Variants in LRRC7 observed in about 807,000 individuals in gnomAD.
LRRC7 encodes leucine-rich repeat-containing protein 7.
In LRRC7, 23 loss-of-function variants were observed where a neutral mutation model predicts 175.7. The ratio of observed to expected loss-of-function variants is 0.13; its 90% confidence interval spans 0.09 to 0.19. The LOEUF is 0.19. Ranked by LOEUF, LRRC7 falls within the 10% of genes least tolerant of loss-of-function variation. LRRC7 has a pLI of 1.00. For missense variants in LRRC7, 1,354 were observed against 1,904.7 expected (o/e 0.71, Z 5.38); for synonymous variants, 685 against 680.9 (o/e 1.01, Z -0.09).
rs1653289190 is a variant in LRRC7, at chr1:69,980,314, T to C, written c.712-65T>C. 1.6e-5 allele frequency: 20 copies of C among 1,268,654 alleles called. 2 individuals carry two copies. The South Asian group carries it at 2.3e-4, about 15-fold the overall frequency. 78.6% of individuals were successfully genotyped at this position (1,268,654 alleles called of 1,614,324 possible). A position where few individuals can be genotyped will look rare whatever the true frequency, so the allele number is the denominator to read the frequency against. On this transcript the variant is annotated intron_variant, in intron 8 of 26. Coordinates refer to ENST00000651989, the MANE Select transcript of LRRC7 (RefSeq NM_001370785.2). ...AGATCCAAGAAATTACATCTTATGTTTGTGATAAGTAAAAACTAATTTAAT... is the reference window on the plus strand; with the variant it reads ...AGATCCAAGAAATTACATCTTATGTCTGTGATAAGTAAAAACTAATTTAAT...
chr1:70,042,486 A>G (rs993543198), intron 21 of LRRC7, among the ~76,000 whole-genome samples: 2 of 152,238 alleles, frequency 1.3e-5, no homozygotes, highest in African/African-American at 4.8e-5. Context: ...ATAACAGTTC[A>G]ACATAATGTT....
At chr1:69,572,666 GGTAT>G (rs1347104336) in intron 1 of LRRC7, among the ~76,000 whole-genome samples, 1 of 151,970 alleles carries the variant, frequency 6.6e-6, no homozygotes, top group Admixed American at 6.6e-5. Context: ...GAAAAACTTA[GGTAT>G]GTCTAGAAGT....
intron 1 of LRRC7, among the ~76,000 whole-genome samples, chr1:69,578,928 T>TA (rs1487572820): frequency 1.3e-5 from 2 of 150,416 alleles, no homozygotes; most frequent in African/African-American, 4.9e-5. Context: ...CCCTAAAACT[T>TA]AAAGTATAAT....
At chr1:69,928,847 G>A (rs1241166515) in intron 7 of LRRC7, among the ~76,000 whole-genome samples, 4 of 152,214 alleles carry the variant, frequency 2.6e-5, no homozygotes, top group African/African-American at 9.6e-5. Context: ...ACTCCCTAGT[G>A]GGATGACCTT....
intron 25 of LRRC7, among the ~76,000 whole-genome samples, chr1:70,092,889 C>T (rs762999988): frequency 5.3e-5 from 8 of 152,118 alleles, no homozygotes; most frequent in Non-Finnish European, 1.2e-4. Context: ...ATCTAGCAAA[C>T]TTAACTCCCC....
rs1666636421 is a variant in LRRC7, at chr1:70,130,871, T to G, written c.*8984T>G. Among the ~76,000 whole-genome samples, 1 of 152,194 alleles carries G rather than the reference T, an allele frequency of 6.6e-6. No individual in the cohort carries two copies. The highest frequency in any genetic ancestry group is 6.5e-5 in the Admixed American group (1 of 15,286). On this transcript the variant is annotated 3_prime_UTR_variant, in exon 27 of 27. Transcript: ENST00000651989. The stretch of plus-strand genomic sequence containing the variant: ...GGGTCTCCACCTACCTATTTAGCTC[T>G]AAATTTTAATCAAACTGCTGCCAAA...
At chr1:69,597,554 C>A (rs535422302) in intron 1 of LRRC7, among the ~76,000 whole-genome samples, 1 of 152,070 alleles carries the variant, frequency 6.6e-6, no homozygotes, top group Non-Finnish European at 1.5e-5. Flanking sequence ...ATAATTTGAG[C>A]AATACATCTT....
chr1:70,111,830 T>C (rs1665547574), intron 26 of LRRC7, among the ~76,000 whole-genome samples: 2 of 152,164 alleles, frequency 1.3e-5, no homozygotes, highest in African/African-American at 4.8e-5. Context: ...CCCATCTCCA[T>C]ACATAAGCCT....
At chr1:69,919,489 G>A (rs946801804) in intron 7 of LRRC7, 50 of 906,202 alleles carry the variant, frequency 5.5e-5, no homozygotes, top group Non-Finnish European at 8.3e-5. Context: ...CAGCAGTGGC[G>A]GCAAAATCTG....
At chr1:69,657,456 C>T (rs1241748568) in intron 1 of LRRC7, among the ~76,000 whole-genome samples, 3 of 151,688 alleles carry the variant, frequency 2.0e-5, no homozygotes, top group African/African-American at 7.3e-5. Context: ...TAAATTTATC[C>T]GTATCATCCG....
intron 1 of LRRC7, among the ~76,000 whole-genome samples, chr1:69,674,336 C>T (rs1406483114): frequency 6.6e-6 from 1 of 152,122 alleles, no homozygotes; most frequent in East Asian, 1.9e-4. Context: ...TCTTCTACTT[C>T]TGATGAGGCC....
At chr1:69,871,798 T>C (rs1302347825) in intron 7 of LRRC7, among the ~76,000 whole-genome samples, 1 of 152,026 alleles carries the variant, frequency 6.6e-6, no homozygotes, top group African/African-American at 2.4e-5. Context: ...TGTTTATGTA[T>C]TGCCTGTCAA....
intron 7 of LRRC7, among the ~76,000 whole-genome samples, chr1:69,838,673 C>A (rs184950909): frequency 6.6e-6 from 1 of 151,938 alleles, no homozygotes; most frequent in African/African-American, 2.4e-5. Context: ...TCAGTTTTTA[C>A]ATCAAGAATA....
chr1:70,023,623 T>TCCCACCA (rs1657759091), intron 17 of LRRC7, among the ~76,000 whole-genome samples: 1 of 152,016 alleles, frequency 6.6e-6, no homozygotes, highest in Non-Finnish European at 1.5e-5. Context: ...GGCATGGTTT[T>TCCCACCA]TGAGTTGGGT....
intron 5 of LRRC7, among the ~76,000 whole-genome samples, chr1:69,834,538 A>G (rs965615876): frequency 6.6e-6 from 1 of 152,182 alleles, no homozygotes; most frequent in Non-Finnish European, 1.5e-5. Context: ...TGATTTTAGC[A>G]GTGACATAAA....
At chr1:69,810,058 A>G (rs866520901) in intron 4 of LRRC7, among the ~76,000 whole-genome samples, 3 of 152,208 alleles carry the variant, frequency 2.0e-5, no homozygotes, top group South Asian at 2.1e-4. Flanking sequence ...TAAGCTTACA[A>G]GCAACTTCAG....
At chr1:69,627,791 A>G (rs74508239) in intron 1 of LRRC7, among the ~76,000 whole-genome samples, 4,127 of 151,990 alleles carry the variant, frequency 0.027, 71 homozygotes, top group South Asian at 0.049. Context: ...TTTTTGTTGT[A>G]TATGTTTTGG....
At chr1:70,103,026 C>T (rs1323613339) in intron 25 of LRRC7, among the ~76,000 whole-genome samples, 1 of 151,946 alleles carries the variant, frequency 6.6e-6, no homozygotes, top group African/African-American at 2.4e-5. Flanking sequence ...TTTAGGAGTT[C>T]AAGACCAGCC....
intron 7 of LRRC7, among the ~76,000 whole-genome samples, chr1:69,892,338 C>T (rs1409040669): frequency 2.6e-5 from 4 of 152,062 alleles, no homozygotes; most frequent in African/African-American, 9.7e-5. Context: ...TTGGACCTCA[C>T]TAAGTGGTAA....
Sources: gnomAD v4.1 joint callset for allele counts (sites outside exome capture counted in the v4.1 genomes callset) on GRCh38, gnomAD v4.1.1 for gene constraint, MANE v1.5 for transcripts, NCBI Gene and HGNC (gene_info 2026-07-23, HGNC 2026-07-21) for gene names.